The following DPP6 variants were observed in gnomAD, a reference collection of about 807,000 sequenced individuals.
DPP6 encodes the protein dipeptidyl peptidase like 6, also known as A-type potassium channel modulatory protein DPP6.
A neutral mutation model predicts 122.6 loss-of-function variants in DPP6; 69 were observed. The ratio of observed to expected loss-of-function variants is 0.56; its 90% CI spans 0.46 to 0.69. The LOEUF is 0.69. Among genes scored for constraint, DPP6 ranks in the 30% least tolerant of loss-of-function variants. The pLI is 0.00. For synonymous variants in DPP6, 418 were observed against 433.1 expected (o/e 0.97, Z 0.43); for missense variants, 928 against 1,116.9 (o/e 0.83, Z 2.41).
chr7:154,466,210 TG>T (rs1439127340), intron 2 of DPP6, among the ~76,000 whole-genome samples: 1 of 138,326 alleles, frequency 7.2e-6, no homozygotes, highest in Admixed American at 7.4e-5. Context: ...TGTCGAGGGG[TG>T]GGGGGCAAGG....
At chr7:154,829,054 C>T (rs1800414003) in intron 16 of DPP6, among the ~76,000 whole-genome samples, 1 of 152,232 alleles carries the variant, frequency 6.6e-6, no homozygotes, top group Admixed American at 6.5e-5. Context: ...TATTCAAACA[C>T]CCAATGCATT....
At position 154,821,256 on chromosome 7, in the gene DPP6, T is replaced by C. The variant is rs566544318; in HGVS notation, c.1666+14144T>C. Among the ~76,000 whole-genome samples the C allele has an allele frequency of 6.6e-6, 1 of 152,216 alleles. No homozygotes were observed. On this transcript the variant is annotated intron_variant, in intron 16 of 25. Coordinates refer to ENST00000377770, the MANE Select transcript of DPP6 (RefSeq NM_130797.4). This position sits in a 1 kb window ranked among gnomAD's most constrained non-coding sequence, Gnocchi z 4.2. ...AGGTCTTTATAGCACACATTTTTAA[T>C]CTTTTTCCTGATGTCTTTTCTTTTT... is the stretch of plus-strand genomic sequence containing the variant.
intron 1 of DPP6, among the ~76,000 whole-genome samples, chr7:154,237,335 T>C (rs982195501): frequency 6.6e-6 from 1 of 152,268 alleles, no homozygotes; most frequent in Non-Finnish European, 1.5e-5. Context: ...TTAAGGTAGC[T>C]ACTTTTAACA....
At chr7:154,808,986 C>T (rs1798863964) in intron 16 of DPP6, among the ~76,000 whole-genome samples, 2 of 152,154 alleles carry the variant, frequency 1.3e-5, no homozygotes, top group Admixed American at 1.3e-4. Flanking sequence ...GCCAGAGGGG[C>T]TTGGTCTGGC....
chr7:153,983,135 G>A (rs1456078886), intron 1 of DPP6, among the ~76,000 whole-genome samples: 1 of 152,234 alleles, frequency 6.6e-6, no homozygotes, highest in East Asian at 1.9e-4. Flanking sequence ...TTCTGCTGAA[G>A]CTGCGCCCAC....
chr7:154,609,655 A>C (rs896190430), intron 5 of DPP6, among the ~76,000 whole-genome samples: 1 of 152,198 alleles, frequency 6.6e-6, no homozygotes, highest in Non-Finnish European at 1.5e-5. Context: ...ATTTACATAC[A>C]TGCTCACACA....
intron 1 of DPP6, among the ~76,000 whole-genome samples, chr7:154,401,220 A>C (rs570449692): frequency 6.6e-6 from 1 of 151,896 alleles, no homozygotes; most frequent in Non-Finnish European, 1.5e-5. Context: ...ACAAAAACAA[A>C]AAAAAAACAG....
At chr7:153,811,846 T>G in the DPP6 span, among the ~76,000 whole-genome samples, 7 of 152,180 alleles carry the variant, frequency 4.6e-5, no homozygotes, top group East Asian at 7.7e-4. Context: ...AATTCTCAAA[T>G]TCCACAGATG....
At chr7:154,401,981 A>G (rs1405061964) in intron 1 of DPP6, among the ~76,000 whole-genome samples, 12 of 152,260 alleles carry the variant, frequency 7.9e-5, no homozygotes, top group Admixed American at 7.9e-4. Flanking sequence ...TATGCAGCCA[A>G]AAAACACATG....
rs564115160 is a variant in DPP6 at position 154,143,643 on chromosome 7, A to G, written c.243+90580A>G. Among the ~76,000 whole-genome samples the G allele has an allele frequency of 3.5e-4, 53 of 152,298 alleles. 1 individual carries two copies. The highest frequency in any genetic ancestry group is 6.3e-4 in the Non-Finnish European group (43 of 68,012). ...AACTTAGCTCTATGTTTATTTAACT[A>G]CATTTATGCATACAAATACTTTTCT... On this transcript the variant is annotated intron_variant, in intron 1 of 25. Transcript: ENST00000377770.
At chr7:154,475,626 G>C (rs980981781) in intron 3 of DPP6, 1 of 155,892 alleles carries the variant, frequency 6.4e-6, no homozygotes, top group Non-Finnish European at 1.4e-5. Flanking sequence ...TACAGTTGGG[G>C]GCAGAAGGCA....
intron 8 of DPP6, among the ~76,000 whole-genome samples, chr7:154,729,048 G>A (rs1023201429): frequency 1.3e-5 from 2 of 152,172 alleles, no homozygotes; most frequent in African/African-American, 4.8e-5. Flanking sequence ...GATGAGGCAT[G>A]GTTAGGTTAA....
intron 3 of DPP6, among the ~76,000 whole-genome samples, chr7:154,531,516 T>C (rs1410041848): frequency 6.6e-6 from 1 of 152,108 alleles, no homozygotes; most frequent in Non-Finnish European, 1.5e-5. Flanking sequence ...AGCAGACCCA[T>C]ACAAAAAGAA....
chr7:154,249,494 A>T (rs1802212381), intron 1 of DPP6, among the ~76,000 whole-genome samples: 1 of 152,348 alleles, frequency 6.6e-6, no homozygotes, highest in South Asian at 2.1e-4. Context: ...TCTCTCTAAG[A>T]TACTTGAGAG....
At chr7:154,489,242 G>A (rs1180843292) in intron 3 of DPP6, among the ~76,000 whole-genome samples, 1 of 152,170 alleles carries the variant, frequency 6.6e-6, no homozygotes, top group African/African-American at 2.4e-5. Context: ...ACCAAGTTGG[G>A]ATTCAGGGAT....
exon 1 of DPP6, chr7:153,887,426 C>T (rs1270136127): frequency 9.3e-6 from 4 of 429,192 alleles, no homozygotes; most frequent in Non-Finnish European, 1.7e-5. Context: ...CAACACCCAC[C>T]CTCCATCCAG....
intron 1 of DPP6, among the ~76,000 whole-genome samples, chr7:154,398,752 G>A (rs1009985027): frequency 2.0e-5 from 3 of 152,118 alleles, no homozygotes; most frequent in Non-Finnish European, 2.9e-5. Flanking sequence ...TCTCAGAGGC[G>A]TGATTCTCTT....
At chr7:153,857,962 T>C in the DPP6 span, among the ~76,000 whole-genome samples, 1 of 152,200 alleles carries the variant, frequency 6.6e-6, no homozygotes, top group Non-Finnish European at 1.5e-5. Context: ...TGACTCCACT[T>C]TCCTCTAGCT....
At chr7:154,140,883 G>A (rs577285520) in intron 1 of DPP6, among the ~76,000 whole-genome samples, 1 of 152,274 alleles carries the variant, frequency 6.6e-6, no homozygotes, top group South Asian at 2.1e-4. Context: ...CGACCTTCTG[G>A]TTCTCAGGTT....
Sources: allele counts gnomAD v4.1 joint callset (sites outside exome capture counted in the v4.1 genomes callset), GRCh38; gene constraint gnomAD v4.1.1; non-coding constraint Gnocchi (gnomAD v3.1); transcripts MANE v1.5; gene names NCBI Gene and HGNC (gene_info 2026-07-23, HGNC 2026-07-21).